CCDC88C: variants seen among roughly 807,000 people sequenced by gnomAD.
The protein encoded by CCDC88C is coiled-coil and HOOK domain protein 88C.
Under a neutral mutation model 198.8 loss-of-function variants are expected in CCDC88C, and 131 were observed. The ratio of observed to expected loss-of-function variants is 0.66; its 90% CI spans 0.57 to 0.76. CCDC88C has a LOEUF of 0.76. Among genes scored for constraint, CCDC88C ranks in the 30% least tolerant of loss-of-function variants. The pLI is 0.00. For missense variants in CCDC88C, 2,553 were observed against 2,631.6 expected, an observed-to-expected ratio of 0.97 and a Z score of 0.65; for synonymous variants, 1,166 against 1,114.7, an observed-to-expected ratio of 1.05 and a Z score of -0.92.
At chr14:91,336,886 C>T (rs1363092498) in intron 10 of CCDC88C, among the ~76,000 whole-genome samples, 1 of 152,236 alleles carries the variant, frequency 6.6e-6, no homozygotes, top group Non-Finnish European at 1.5e-5. Flanking sequence ...CCCCGGCAAG[C>T]CCGACAGCTC....
chr14:91,346,934 T>C (rs1237151817), intron 4 of CCDC88C, among the ~76,000 whole-genome samples: 1 of 151,918 alleles, frequency 6.6e-6, no homozygotes, highest in Non-Finnish European at 1.5e-5. Context: ...CCCACATGAG[T>C]GTTAACAAAG....
At chr14:91,300,269 C>T (rs1242720600) in intron 20 of CCDC88C, among the ~76,000 whole-genome samples, 199 bp from the exon 21 acceptor site, 1 of 152,218 alleles carries the variant, frequency 6.6e-6, no homozygotes, top group African/African-American at 2.4e-5. Context: ...CAGCGCCAAG[C>T]CCTGGAGCCC....
In CCDC88C at chr14:91,272,574, T is replaced by C; in HGVS notation, c.*51A>G. ...CAAGCAAGAGAAAAGGCCGTGAGAG[T>C]CGGAAGGCGCGTCAGTAGTTTTCAG... On this transcript the variant is annotated 3_prime_UTR_variant, in exon 30 of 30. Coordinates refer to ENST00000389857, the MANE Select transcript of CCDC88C (RefSeq NM_001080414.4). 6.5e-7 allele frequency: 1 copy of C among 1,539,190 alleles called. No homozygotes were observed. The highest frequency in any genetic ancestry group is 8.8e-7 in the Non-Finnish European group (1 of 1,140,456).
rs760038023 is a variant in CCDC88C, at chr14:91,305,945, T to C, written c.3196-19A>G. On this transcript the variant is annotated intron_variant, in intron 18 of 29. Coordinates refer to ENST00000389857, the MANE Select transcript of CCDC88C (RefSeq NM_001080414.4). ...CTGCATTCTAGAAGATCGGGAGGCATGAGCGAATCAAACTCCAACTGGGTA... is the reference window on the plus strand; with the variant it reads ...CTGCATTCTAGAAGATCGGGAGGCACGAGCGAATCAAACTCCAACTGGGTA... 3.1e-6 allele frequency: 5 copies of C among 1,607,710 alleles called. No homozygotes were observed. The South Asian group carries it at 4.4e-5, about 14-fold the overall frequency.
rs114144248 is a variant in CCDC88C, at chr14:91,278,786, T to C, written c.4768+452A>G. On this transcript the variant is annotated intron_variant, in intron 28 of 29. Transcript: ENST00000389857. Reference sequence around the variant, plus strand: ...CTAACTCCCAGCCTGTGCCTGAAACTGTACTGTGTGGCCTCTGAATGCGTC... The same window carrying C: ...CTAACTCCCAGCCTGTGCCTGAAACCGTACTGTGTGGCCTCTGAATGCGTC... Among the ~76,000 whole-genome samples the C allele has an allele frequency of 5.6e-3, 850 of 152,144 alleles. 6 individuals are homozygous for C. The highest frequency in any genetic ancestry group is 0.02 in the African/African-American group (816 of 41,506).
At chr14:91,295,403 T>C (rs541881584) in intron 22 of CCDC88C, among the ~76,000 whole-genome samples, 23 of 152,320 alleles carry the variant, frequency 1.5e-4, no homozygotes, top group Admixed American at 3.9e-4. Context: ...GCACGAGGCT[T>C]GGGAGTCAGG....
chr14:91,358,549 C>G (rs991334669), intron 4 of CCDC88C, among the ~76,000 whole-genome samples: 1 of 152,226 alleles, frequency 6.6e-6, no homozygotes, highest in Non-Finnish European at 1.5e-5. Flanking sequence ...TAAACACACA[C>G]AGGTGAAAGG....
chr14:91,303,592 T>C, intron 20 of CCDC88C, 109 bp downstream of exon 20: 2 of 939,706 alleles, frequency 2.1e-6, no homozygotes, highest in South Asian at 2.0e-5. Flanking sequence ...AGGCCCTGCC[T>C]CTCCCCTAGG....
chr14:91,360,252 T>TCTCACACA (rs1436609846), intron 3 of CCDC88C, among the ~76,000 whole-genome samples: 2 of 144,196 alleles, frequency 1.4e-5, no homozygotes, highest in African/African-American at 2.6e-5. Context: ...GACCCCATCT[T>TCTCACACA]CACACACACA....
At chr14:91,307,293 T>G in intron 17 of CCDC88C, 67 bp from the exon 18 acceptor site, 2 of 1,431,152 alleles carry the variant, frequency 1.4e-6, no homozygotes, top group Non-Finnish European at 1.9e-6. Context: ...CCCGAGTGAG[T>G]GGCTGAGGGC....
In CCDC88C at chr14:91,272,484, G is replaced by A; in HGVS notation, c.*141C>T. The A allele has an allele frequency of 1.2e-6, 1 of 855,584 alleles. No individual in the cohort carries two copies. The highest frequency in any genetic ancestry group is 1.7e-5 in the South Asian group (1 of 59,812). The allele number at this position is 855,584 out of a possible 1,614,324, so 53.0% of individuals were successfully genotyped here. A position where few individuals can be genotyped will look rare whatever the true frequency, so the allele number is the denominator to read the frequency against. ...GCTTGGCACAGTGTTTCCATTCACA[G>A]AACAAACAGCAGAAATGCGTGGGAA... On this transcript the variant is annotated 3_prime_UTR_variant, in exon 30 of 30. Coordinates refer to ENST00000389857, the MANE Select transcript of CCDC88C (RefSeq NM_001080414.4).
chr14:91,292,155 C>T (rs541254467), intron 23 of CCDC88C, among the ~76,000 whole-genome samples: 44 of 152,290 alleles, frequency 2.9e-4, no homozygotes, highest in African/African-American at 1.1e-3. Flanking sequence ...TAACAAGTGA[C>T]CCCAGCCACG....
intron 29 of CCDC88C, among the ~76,000 whole-genome samples, chr14:91,276,042 G>A (rs899896272): frequency 5.9e-5 from 9 of 151,512 alleles, no homozygotes; most frequent in Non-Finnish European, 8.8e-5. Context: ...GGATGGTCTC[G>A]ATCTCCTGAC....
At chr14:91,293,583 C>CTCACCCGCCCCAGCTCACCTTCCCAT (rs1372216875) in intron 23 of CCDC88C, among the ~76,000 whole-genome samples, 1 of 147,264 alleles carries the variant, frequency 6.8e-6, no homozygotes, top group Non-Finnish European at 1.5e-5. Context: ...CCTTCCTGTC[C>CTCACCCGCCCCAGCTCACCTTCCCAT]CCTCGCCTGC....
rs111330539 is a variant in CCDC88C, at chr14:91,284,439, G to C, written c.4442-922C>G. Among the ~76,000 whole-genome samples the C allele has an allele frequency of 3.9e-5, 6 of 152,166 alleles. No homozygotes were observed. Among genetic ancestry groups the C allele is most frequent in the African/African-American group, 1.4e-4 (6 of 41,560 alleles). On this transcript the variant is annotated intron_variant, in intron 25 of 29. Coordinates refer to ENST00000389857, the MANE Select transcript of CCDC88C (RefSeq NM_001080414.4). The surrounding 1 kb of genome is among the most constrained non-coding windows in gnomAD (Gnocchi z 4.1). ...TTTTGAAAGATAACCTTGATGAGAA[G>C]CAAGATTCAAGTCTGCCTGAATCGG...
Position 91,313,223 on chromosome 14 carries a change from C to T in CCDC88C, c.2593G>A (p.Val865Ile), listed in dbSNP as rs78037497. ...TCCAGCGCGCGGCTCTCCTTCTCAA[C>T]GGCGGACAGTTTGGCAGTGCTATCG... ...LDDSTAKLSAVEKESRALDKE... is the reference protein window; with the variant it reads ...LDDSTAKLSAIEKESRALDKE... The change falls in exon 15 of 30, where the codon GTT becomes ATT. Residue 865 changes from valine (V) to isoleucine (I), a missense_variant. Around this residue, in one of 2 missense-constraint regions of CCDC88C, gnomAD observed 1,260 missense variants for 1,412.0 expected, o/e 0.89. Coordinates refer to ENST00000389857, the MANE Select transcript of CCDC88C (RefSeq NM_001080414.4). This position sits in a 1 kb window ranked among gnomAD's most constrained non-coding sequence, Gnocchi z 5.2. The T allele has an allele frequency of 3.3e-4, 536 of 1,613,952 alleles. 3 individuals carry two copies. In the East Asian group the frequency reaches 9.9e-3, roughly 30 times the overall value.
chr14:91,372,891 C>T (rs1254567947), intron 3 of CCDC88C, among the ~76,000 whole-genome samples: 2 of 152,128 alleles, frequency 1.3e-5, no homozygotes, highest in Non-Finnish European at 2.9e-5. Flanking sequence ...AAGTCAGGCC[C>T]CCGGAGGTGC....
At chr14:91,275,872 A>G (rs1337610556) in intron 29 of CCDC88C, among the ~76,000 whole-genome samples, 148 of 114,296 alleles carry the variant, frequency 1.3e-3, no homozygotes, top group African/African-American at 4.8e-3. Flanking sequence ...CCCAGGCTGG[A>G]GTGCAGTGGC....
Position 91,305,816 on chromosome 14 carries a change from G to A in CCDC88C, c.3306C>T (p.Ala1102=). Residue 1102 remains alanine (A), a synonymous_variant, in exon 19 of 30, where the codon GCC becomes GCT. Coordinates refer to ENST00000389857, the MANE Select transcript of CCDC88C (RefSeq NM_001080414.4). Reference sequence around the variant, plus strand: ...GTGTGGTGTTGTGCTCCTGCAGGAAGGCGCTCTGTTTCTGCAGTGTCAAGA... The same window carrying A: ...GTGTGGTGTTGTGCTCCTGCAGGAAAGCGCTCTGTTTCTGCAGTGTCAAGA... ...SQILTLQKQS[A]FLQEHNTTLQ... The A allele has an allele frequency of 6.2e-7, 1 of 1,613,862 alleles. No homozygotes were observed. Among genetic ancestry groups the A allele is most frequent in the Non-Finnish European group, 8.5e-7 (1 of 1,179,756 alleles).
Sources: gnomAD v4.1 joint callset for allele counts (sites outside exome capture counted in the v4.1 genomes callset) on GRCh38, gnomAD v4.1.1 for gene constraint, gnomAD v4.1.1 regional missense constraint, Gnocchi (gnomAD v3.1) non-coding constraint, MANE v1.5 for transcripts, NCBI Gene and HGNC (gene_info 2026-07-23, HGNC 2026-07-21) for gene names.